CEP70: variants seen among roughly 807,000 people sequenced by gnomAD.
The protein encoded by CEP70 is centrosomal protein 70.
CEP70 carries 70 observed loss-of-function variants against 90.9 expected under a neutral mutation model. That is an observed-to-expected ratio of 0.77 (90% CI 0.64 to 0.94). CEP70 has a LOEUF of 0.94. CEP70 is among the 40% of genes least tolerant of loss of function. The pLI is 0.00. For synonymous variants in CEP70, 220 were observed against 228.3 expected (o/e 0.96, Z 0.33); for missense variants, 648 against 669.0 (o/e 0.97, Z 0.35).
In CEP70 at chr3:138,565,271, C is replaced by T. The variant is rs567621355; in HGVS notation, c.465+5047G>A. ...ATATTGTGAAAATGGCCATATTGCC[C>T]AAAGTAATTTATAGATTCAATGCTA... On this transcript the variant is annotated intron_variant, in intron 6 of 17. Transcript: ENST00000264982. 1.1e-4 allele frequency among the ~76,000 whole-genome samples: 17 copies of T among 152,240 alleles called. No individual in the cohort carries two copies. In the South Asian group the frequency reaches 3.3e-3, roughly 30 times the overall value.
intron 2 of CEP70, among the ~76,000 whole-genome samples, chr3:138,582,246 G>T (rs556155547): frequency 4.2e-4 from 64 of 152,250 alleles, no homozygotes; most frequent in Non-Finnish European, 7.6e-4. Context: ...GGCCGAGATG[G>T]GTGGATCACG....
At chr3:138,497,210 A>T in intron 17 of CEP70, 1 of 1,209,364 alleles carries the variant, frequency 8.3e-7, no homozygotes, top group Non-Finnish European at 1.0e-6. Context: ...TATGTTCAGT[A>T]GGCTATATAT....
intron 7 of CEP70, among the ~76,000 whole-genome samples, chr3:138,533,746 A>G (rs1318194509): frequency 6.6e-6 from 1 of 151,980 alleles, no homozygotes; most frequent in African/African-American, 2.4e-5. Flanking sequence ...ATTTTACCAT[A>G]TACACTTTCA....
At chr3:138,534,066 A>G (rs866747298) in intron 7 of CEP70, among the ~76,000 whole-genome samples, 1 of 152,312 alleles carries the variant, frequency 6.6e-6, no homozygotes, top group South Asian at 2.1e-4. Context: ...TTACAGGCGT[A>G]AGCCACTGCG....
chr3:138,586,704 G>C (rs2042121431), intron 2 of CEP70, among the ~76,000 whole-genome samples: 1 of 152,156 alleles, frequency 6.6e-6, no homozygotes, highest in South Asian at 2.1e-4. Flanking sequence ...GGGCTGAAAG[G>C]AAGAGGGGAT....
intron 16 of CEP70, 30 bp from the exon 17 acceptor site, chr3:138,498,140 AT>A: frequency 6.4e-7 from 1 of 1,570,332 alleles, no homozygotes; most frequent in Non-Finnish European, 8.7e-7. Context: ...TTTAAACCTG[AT>A]TTCTAACTTT....
At chr3:138,523,462 A>G (rs566809689) in intron 11 of CEP70, among the ~76,000 whole-genome samples, 4 of 152,262 alleles carry the variant, frequency 2.6e-5, no homozygotes, top group African/African-American at 9.6e-5. Flanking sequence ...ACATGATTGT[A>G]TATCTAGAAA....
chr3:138,524,026 TAC>T (rs2036956109), intron 11 of CEP70, among the ~76,000 whole-genome samples: 2 of 78,616 alleles, frequency 2.5e-5, no homozygotes, highest in Non-Finnish European at 4.9e-5. Context: ...CCAAAACAGA[TAC>T]ATAGAACAAT....
Position 138,537,227 on chromosome 3 carries a change from C to G in CEP70, c.586G>C (p.Val196Leu). ...EEDRIVTQNR[V>L]FAYLCKRVPH... ...ACTCTTTTGCACAGATAGGCAAACA[C>G]TCTGTTTTGAGTGACAATGCGATCT... The change falls in exon 7 of 18, where the codon GTG becomes CTG. Residue 196 changes from valine (V) to leucine (L), a missense_variant. Val to Leu is a conservative substitution (Grantham distance 32). Transcript: ENST00000264982. The G allele has an allele frequency of 6.2e-7, 1 of 1,603,508 alleles. No individual in the cohort carries two copies. The highest frequency in any genetic ancestry group is 1.1e-5 in the South Asian group (1 of 88,652).
At chr3:138,549,083 C>T (rs2039430126) in intron 6 of CEP70, among the ~76,000 whole-genome samples, 1 of 152,084 alleles carries the variant, frequency 6.6e-6, no homozygotes, top group African/African-American at 2.4e-5. Context: ...GAAGCCATTT[C>T]TGACTTGTCT....
chr3:138,510,831 C>T (rs915210836), intron 11 of CEP70, among the ~76,000 whole-genome samples: 1 of 151,838 alleles, frequency 6.6e-6, no homozygotes, highest in African/African-American at 2.4e-5. Flanking sequence ...ATGTCTTCCA[C>T]CCACAAATTT....
chr3:138,545,119 C>T (rs1355164089), intron 6 of CEP70, among the ~76,000 whole-genome samples: 2 of 152,060 alleles, frequency 1.3e-5, no homozygotes, highest in African/African-American at 4.8e-5. Context: ...TCTCATTTAC[C>T]TTGATTTGAT....
rs970733292 is a variant in CEP70 at position 138,495,998 on chromosome 3, G to A, written c.1733-922C>T. ...TTTTTGACAGGCTCTTTCTGAATTT[G>A]ATTTTTCTTCCTAAGACTATCTTAT... On this transcript the variant is annotated intron_variant, in intron 17 of 17. Transcript: ENST00000264982. 3.0e-6 allele frequency: 3 copies of A among 985,184 alleles called. No individual in the cohort carries two copies. In the African/African-American group the frequency reaches 5.2e-5, roughly 17 times the overall value. 61.0% of individuals were successfully genotyped at this position (985,184 alleles called of 1,614,324 possible).
intron 8 of CEP70, 136 bp downstream of exon 8, chr3:138,532,378 T>G (rs2037903008): frequency 4.5e-6 from 3 of 661,774 alleles, no homozygotes; most frequent in Admixed American, 4.7e-5. Context: ...GTCTTCAAGT[T>G]CTTTATAAAA....
intron 4 of CEP70, 53 bp downstream of exon 4, chr3:138,571,213 T>C: frequency 6.4e-7 from 1 of 1,561,260 alleles, no homozygotes; most frequent in Non-Finnish European, 8.7e-7. Flanking sequence ...AAAAAAATTT[T>C]TTAAGGAAAA....
intron 6 of CEP70, among the ~76,000 whole-genome samples, chr3:138,539,430 G>A (rs1290003396): frequency 6.6e-6 from 1 of 152,050 alleles, no homozygotes; most frequent in African/African-American, 2.4e-5. Flanking sequence ...ATATAACACA[G>A]GGAATCAATT....
Position 138,494,844 on chromosome 3 carries a change from A to G in CEP70, c.*171T>C. The G allele has an allele frequency of 2.0e-6, 1 of 499,228 alleles. No homozygotes were observed. The allele number at this position is 499,228 out of a possible 1,614,324, so 30.9% of individuals were successfully genotyped here. A position where few individuals can be genotyped will look rare whatever the true frequency, so the allele number is the denominator to read the frequency against. Reference sequence around the variant, plus strand: ...CCCTTGCAACTATTTTCTGTATAAGAATCTCAAAGTTAATAAAAATTATAC... The same window carrying G: ...CCCTTGCAACTATTTTCTGTATAAGGATCTCAAAGTTAATAAAAATTATAC... On this transcript the variant is annotated 3_prime_UTR_variant, in exon 18 of 18. Coordinates refer to ENST00000264982, the MANE Select transcript of CEP70 (RefSeq NM_024491.4).
rs537405807 is a variant in CEP70, at chr3:138,562,324, T to C, written c.465+7994A>G. On this transcript the variant is annotated intron_variant, in intron 6 of 17. Transcript: ENST00000264982. ...GAACTTCCCTAACCTAGCAATATTA[T>C]AGGCCAACATTCAAGTTCAGAAAAA... Among the ~76,000 whole-genome samples, 6 of 152,154 alleles carry C rather than the reference T, an allele frequency of 3.9e-5. No individual in the cohort carries two copies. The South Asian group carries it at 6.2e-4, about 16-fold the overall frequency.
intron 8 of CEP70, among the ~76,000 whole-genome samples, 174 bp downstream of exon 8, chr3:138,532,340 T>TA: frequency 6.6e-6 from 1 of 152,168 alleles, no homozygotes. Context: ...AATACAACAA[T>TA]ACATCTTGAC....
Sources: allele counts gnomAD v4.1 joint callset (sites outside exome capture counted in the v4.1 genomes callset), GRCh38; gene constraint gnomAD v4.1.1; transcripts MANE v1.5; gene names NCBI Gene and HGNC (gene_info 2026-07-23, HGNC 2026-07-21).